The following MLPH variants were observed in gnomAD, a reference collection of about 807,000 sequenced individuals.
MLPH encodes melanophilin, also known as exophilin-3.
Under a neutral mutation model 72.1 loss-of-function variants are expected in MLPH, and 51 were observed. That is an observed-to-expected ratio of 0.71 (90% CI 0.56 to 0.89). The LOEUF (loss-of-function observed/expected upper bound fraction) is 0.89, where lower values mean the gene tolerates loss of function less well. MLPH is among the 40% of genes least tolerant of loss of function. The probability of loss-of-function intolerance (pLI) is 0.00; values close to 1 mark genes in which losing one functional copy is unlikely to be tolerated. For missense variants in MLPH, 743 were observed against 759.9 expected, an observed-to-expected ratio of 0.98 and a Z score of 0.26; for synonymous variants, 301 against 310.1, an observed-to-expected ratio of 0.97 and a Z score of 0.31.
At chr2:237,491,596 C>T (rs1161874526) in intron 1 of MLPH, among the ~76,000 whole-genome samples, 2 of 152,132 alleles carry the variant, frequency 1.3e-5, no homozygotes, top group South Asian at 2.1e-4. Context: ...TATAAAGAAA[C>T]GTTAAAGGGA....
At chr2:237,552,846 C>T (rs72988162) in intron 15 of MLPH, among the ~76,000 whole-genome samples, 10,003 of 152,190 alleles carry the variant, frequency 0.066, 407 homozygotes, top group East Asian at 0.094. Flanking sequence ...TGTGTGGCTG[C>T]GTTCACCCCT....
At position 237,493,534 on chromosome 2, in the gene MLPH, AGAGT is replaced by A. The variant is rs751258267; in HGVS notation, c.110+4_110+7del. ...TCCGAAGGAAAGAAGAGGAACGGCT[AGAGT>A]GAGTGTGCCGTGCTGAGCCCACGGA... On this transcript the variant is annotated splice_donor_variant and coding_sequence_variant, in exon 2 of 16. Coordinates refer to ENST00000264605, the MANE Select transcript of MLPH (RefSeq NM_024101.7). LOFTEE classifies it high-confidence loss of function. 3 of 1,612,272 alleles carry A rather than the reference AGAGT, an allele frequency of 1.9e-6. No homozygotes were observed. The African/African-American group carries it at 4.0e-5, about 22-fold the overall frequency.
rs1243472092 is a variant in MLPH, at chr2:237,518,218, G to A, written c.446-321G>A. 3 of 441,308 alleles carry A rather than the reference G, an allele frequency of 6.8e-6. No individual in the cohort carries two copies. The Admixed American group carries it at 9.3e-5, about 14-fold the overall frequency. The allele number at this position is 441,308 out of a possible 1,614,324, so 27.3% of individuals were successfully genotyped here. A position where few individuals can be genotyped will look rare whatever the true frequency, so the allele number is the denominator to read the frequency against. Reference sequence around the variant, plus strand: ...TGGGTGGATGAATAGATGGGTGGAGGATAGATAGGTGGGTGTATGGGTGGG... The same window carrying A: ...TGGGTGGATGAATAGATGGGTGGAGAATAGATAGGTGGGTGTATGGGTGGG... On this transcript the variant is annotated intron_variant, in intron 4 of 15. Coordinates refer to ENST00000264605, the MANE Select transcript of MLPH (RefSeq NM_024101.7).
chr2:237,490,872 C>T (rs904594744), intron 1 of MLPH, among the ~76,000 whole-genome samples: 3 of 152,182 alleles, frequency 2.0e-5, no homozygotes, highest in Non-Finnish European at 4.4e-5. Context: ...TGAATGCTCC[C>T]AGGGCATTGG....
intron 2 of MLPH, among the ~76,000 whole-genome samples, chr2:237,508,736 C>T (rs1028429606): frequency 1.3e-5 from 2 of 152,188 alleles, no homozygotes; most frequent in African/African-American, 4.8e-5. Context: ...GCTGTGATTT[C>T]TCGCCATCTC....
In MLPH at chr2:237,510,192, C is replaced by T. The variant is rs1195591262; in HGVS notation, c.111-382C>T. 1 of 335,038 alleles carries T rather than the reference C, an allele frequency of 3.0e-6. No homozygotes were observed. Among genetic ancestry groups the T allele is most frequent in the African/African-American group, 2.1e-5 (1 of 46,646 alleles). The allele number at this position is 335,038 out of a possible 1,614,324, so 20.8% of individuals were successfully genotyped here. ...GCCCCCCTGCTGAAGGAGACCAAAA[C>T]AATGCTTGATCAGGAAACACCATCT... On this transcript the variant is annotated intron_variant, in intron 2 of 15. Coordinates refer to ENST00000264605, the MANE Select transcript of MLPH (RefSeq NM_024101.7). This position sits in a 1 kb window ranked among gnomAD's most constrained non-coding sequence, Gnocchi z 4.4.
chr2:237,494,072 T>C (rs556898981), intron 2 of MLPH, among the ~76,000 whole-genome samples: 77 of 152,286 alleles, frequency 5.1e-4, no homozygotes, highest in Non-Finnish European at 2.8e-4. Flanking sequence ...CTCTATCTTC[T>C]GGGCCCCCTT....
Position 237,542,648 on chromosome 2 carries a change from T to C in MLPH, c.1528T>C (p.Ser510Pro), listed in dbSNP as rs534915272. The C allele has an allele frequency of 1.6e-5, 24 of 1,545,492 alleles. No homozygotes were observed. The highest frequency in any genetic ancestry group is 3.6e-4 in the Middle Eastern group (2 of 5,482). Residue 510 changes from serine to proline, a missense_variant, in exon 12 of 16, where the codon TCA becomes CCA. Coordinates refer to ENST00000264605, the MANE Select transcript of MLPH (RefSeq NM_024101.7). ...GCCCTCGGGAAAGCCCCGGAGGAAGTCAAACCTCCCGGTGAGTGGGGGGCA... is the reference window on the plus strand; with the variant it reads ...GCCCTCGGGAAAGCCCCGGAGGAAGCCAAACCTCCCGGTGAGTGGGGGGCA... ...VKPSGKPRRKSNLPIFLPRVA... is the reference protein window; with the variant it reads ...VKPSGKPRRKPNLPIFLPRVA...
chr2:237,551,868 A>T (rs986219111), intron 14 of MLPH, among the ~76,000 whole-genome samples: 6 of 152,130 alleles, frequency 3.9e-5, no homozygotes, highest in African/African-American at 1.4e-4. Context: ...AGTCCCAGCT[A>T]CTTGGGAGGC....
At chr2:237,550,083 C>T (rs73999111) in intron 14 of MLPH, among the ~76,000 whole-genome samples, 2,703 of 152,338 alleles carry the variant, frequency 0.018, 90 homozygotes, top group African/African-American at 0.062. Flanking sequence ...CCTTCCCGTG[C>T]GTAGGACAAC....
In MLPH at chr2:237,549,116, C is replaced by T. The variant is rs564700314; in HGVS notation, c.1618-105C>T. On this transcript the variant is annotated intron_variant, in intron 13 of 15. Transcript: ENST00000264605. Reference sequence around the variant, plus strand: ...ATTGCTAGAGAGCAGAAAATAGTGGCCATGGTTAATTAGAAGCTGGAAGAA... The same window carrying T: ...ATTGCTAGAGAGCAGAAAATAGTGGTCATGGTTAATTAGAAGCTGGAAGAA... 1.5e-4 allele frequency: 144 copies of T among 981,820 alleles called. No individual in the cohort carries two copies. The African/African-American group carries it at 2.0e-3, about 14-fold the overall frequency. The allele number at this position is 981,820 out of a possible 1,614,324, so 60.8% of individuals were successfully genotyped here. A position where few individuals can be genotyped will look rare whatever the true frequency, so the allele number is the denominator to read the frequency against.
chr2:237,504,648 A>G (rs916911486), intron 2 of MLPH, among the ~76,000 whole-genome samples: 2 of 152,172 alleles, frequency 1.3e-5, no homozygotes, highest in Admixed American at 6.5e-5. Context: ...ACTCTGTTGG[A>G]GGCCGCCGGT....
intron 2 of MLPH, among the ~76,000 whole-genome samples, chr2:237,509,369 T>C (rs1457690353): frequency 2.0e-5 from 3 of 152,110 alleles, no homozygotes; most frequent in Admixed American, 2.0e-4. Context: ...CAGGGTACCG[T>C]TCTGCCTGGA....
At chr2:237,534,808 C>T (rs2080499097) in intron 9 of MLPH, among the ~76,000 whole-genome samples, 161 bp downstream of exon 9, 1 of 151,502 alleles carries the variant, frequency 6.6e-6, no homozygotes, top group Admixed American at 6.6e-5. Context: ...CAGTTCCCAC[C>T]ACATAGCCTG....
chr2:237,546,849 G>A (rs764255269), intron 13 of MLPH, among the ~76,000 whole-genome samples, 166 bp downstream of exon 13: 41 of 152,232 alleles, frequency 2.7e-4, no homozygotes, highest in Non-Finnish European at 5.4e-4. Context: ...ACTCTTGTGA[G>A]TTGGCTTCCT....
At position 237,516,790 on chromosome 2, in the gene MLPH, TGGATGGA is replaced by T. The variant is rs2080029451; in HGVS notation, c.446-1748_446-1742del. On this transcript the variant is annotated intron_variant, in intron 4 of 15. Coordinates refer to ENST00000264605, the MANE Select transcript of MLPH (RefSeq NM_024101.7). ...GGAGAGGGAGAGATGAATGGATGGA[TGGATGGA>T]TGGATGGATGGATGGATGGATGGAT... Among the ~76,000 whole-genome samples, 3 of 141,174 alleles carry T rather than the reference TGGATGGA, an allele frequency of 2.1e-5. No individual in the cohort carries two copies. The South Asian group carries it at 7.8e-4, about 37-fold the overall frequency. 92.6% of individuals were successfully genotyped at this position (141,174 alleles called of 152,430 possible). A position where few individuals can be genotyped will look rare whatever the true frequency, so the allele number is the denominator to read the frequency against.
intron 4 of MLPH, among the ~76,000 whole-genome samples, chr2:237,515,673 G>A (rs756577298): frequency 1.3e-5 from 2 of 152,162 alleles, no homozygotes; most frequent in Non-Finnish European, 2.9e-5. Context: ...AACTACCAGG[G>A]GTGCAAGCAA....
intron 2 of MLPH, among the ~76,000 whole-genome samples, chr2:237,501,386 C>A (rs901056997): frequency 1.3e-4 from 20 of 151,554 alleles, no homozygotes; most frequent in Non-Finnish European, 1.9e-4. Flanking sequence ...GGTTACCCAG[C>A]TGTGATGAAT....
intron 7 of MLPH, 128 bp downstream of exon 7, chr2:237,525,933 A>G: frequency 1.1e-6 from 1 of 946,892 alleles, no homozygotes; most frequent in Non-Finnish European, 1.6e-6. Context: ...CTTTGGCGTG[A>G]TTGTCCGGGA....
Sources: allele counts gnomAD v4.1 joint callset (sites outside exome capture counted in the v4.1 genomes callset), GRCh38; gene constraint gnomAD v4.1.1; non-coding constraint Gnocchi (gnomAD v3.1); transcripts MANE v1.5; gene names NCBI Gene and HGNC (gene_info 2026-07-23, HGNC 2026-07-21).